The following ANKRD30BL variants were observed in gnomAD, a reference collection of about 807,000 sequenced individuals.
The protein encoded by ANKRD30BL is ankyrin repeat domain 30B like.
Under a neutral mutation model 18.4 loss-of-function variants are expected in ANKRD30BL, and 20 were observed. The observed-to-expected ratio is 1.09, with a 90% CI of 0.77 to 1.58. ANKRD30BL has a LOEUF of 1.58. Among genes scored for constraint, ANKRD30BL ranks in the 40% most tolerant of loss-of-function variants. The probability of loss-of-function intolerance (pLI) is 0.00; values close to 1 mark genes in which losing one functional copy is unlikely to be tolerated. For missense variants in ANKRD30BL, 224 were observed against 268.6 expected, an observed-to-expected ratio of 0.83 and a Z score of 1.16; for synonymous variants, 72 against 100.9, an observed-to-expected ratio of 0.71 and a Z score of 1.72.
intron 1 of ANKRD30BL, among the ~76,000 whole-genome samples, chr2:132,222,155 C>T (rs965046705): frequency 6.7e-6 from 1 of 148,188 alleles, no homozygotes; most frequent in African/African-American, 2.5e-5. Context: ...CCGGCCACCC[C>T]TACTGGGAAG....
chr2:132,200,645 G>A (rs1275850137), intron 1 of ANKRD30BL, among the ~76,000 whole-genome samples: 1 of 151,996 alleles, frequency 6.6e-6, no homozygotes, highest in East Asian at 1.9e-4. Context: ...AAATAAAAGG[G>A]GATACAAACA....
intron 1 of ANKRD30BL, among the ~76,000 whole-genome samples, chr2:132,213,964 G>C (rs1679423477): frequency 6.7e-6 from 1 of 149,408 alleles, no homozygotes; most frequent in Non-Finnish European, 1.5e-5. Context: ...TACTTTGAGG[G>C]TGATGGTCAA....
chr2:132,251,733 C>T (rs112965734), intron 1 of ANKRD30BL, among the ~76,000 whole-genome samples: 34 of 134,986 alleles, frequency 2.5e-4, no homozygotes, highest in Middle Eastern at 4.2e-3. Context: ...CAATTCCATT[C>T]ATTTTTTTCC....
chr2:132,232,379 A>G (rs1680047247), intron 1 of ANKRD30BL, among the ~76,000 whole-genome samples: 1 of 152,200 alleles, frequency 6.6e-6, no homozygotes, highest in Admixed American at 6.5e-5. Context: ...AGACGATCAA[A>G]TTACTCTGAG....
intron 1 of ANKRD30BL, among the ~76,000 whole-genome samples, chr2:132,179,771 G>A (rs1404577203): frequency 2.0e-5 from 3 of 151,872 alleles, no homozygotes; most frequent in African/African-American, 7.2e-5. Context: ...TATGAAGGTG[G>A]AAGACAATGA....
upstream of ANKRD30BL, among the ~76,000 whole-genome samples, chr2:132,164,539 C>T (rs1233012798): frequency 6.6e-6 from 1 of 151,900 alleles, no homozygotes; most frequent in Non-Finnish European, 1.5e-5. Flanking sequence ...GATCCGCCCA[C>T]CTTGGCCTCC....
intron 1 of ANKRD30BL, among the ~76,000 whole-genome samples, chr2:132,208,114 G>A (rs1309811076): frequency 6.6e-6 from 1 of 152,096 alleles, no homozygotes; most frequent in East Asian, 1.9e-4. Flanking sequence ...GATACCTGAG[G>A]CATTGGATTC....
chr2:132,177,353 CA>C (rs779218737), intron 1 of ANKRD30BL, among the ~76,000 whole-genome samples: 36 of 152,114 alleles, frequency 2.4e-4, no homozygotes, highest in Non-Finnish European at 4.6e-4. Flanking sequence ...AGAGTTTCAC[CA>C]TGTTGGACAG....
At chr2:132,175,881 G>C (rs1688359507) in intron 1 of ANKRD30BL, among the ~76,000 whole-genome samples, 1 of 151,810 alleles carries the variant, frequency 6.6e-6, no homozygotes, top group African/African-American at 2.4e-5. Flanking sequence ...ATCTCAAGGT[G>C]GGGGCAAAGA....
intron 1 of ANKRD30BL, among the ~76,000 whole-genome samples, chr2:132,240,648 G>A (rs1315120038): frequency 6.6e-6 from 1 of 151,342 alleles, no homozygotes; most frequent in African/African-American, 2.4e-5. Context: ...AATTTCATTG[G>A]AAACTGGATT....
At chr2:132,254,197 C>G (rs937066935) in intron 1 of ANKRD30BL, among the ~76,000 whole-genome samples, 1 of 151,808 alleles carries the variant, frequency 6.6e-6, no homozygotes, top group Admixed American at 6.6e-5. Context: ...TCTACCCCCT[C>G]TCTCCCTCCC....
chr2:132,219,214 G>A (rs1181565694), intron 1 of ANKRD30BL, among the ~76,000 whole-genome samples: 1 of 151,530 alleles, frequency 6.6e-6, no homozygotes, highest in Non-Finnish European at 1.5e-5. Context: ...CACAGATTTG[G>A]ACATACTGTA....
At chr2:132,204,274 G>C (rs1227731837) in intron 1 of ANKRD30BL, among the ~76,000 whole-genome samples, 1 of 151,724 alleles carries the variant, frequency 6.6e-6, no homozygotes, top group Non-Finnish European at 1.5e-5. Context: ...GGTTTGTGAA[G>C]GAAAATGTTA....
At chr2:132,148,272 C>G in intron 5 of ANKRD30BL, 44 bp from the exon 6 acceptor site, 1 of 1,470,194 alleles carries the variant, frequency 6.8e-7, no homozygotes, top group Non-Finnish European at 9.2e-7. Context: ...CGCTAAATAT[C>G]ATCCTTCTGA....
intron 1 of ANKRD30BL, among the ~76,000 whole-genome samples, chr2:132,220,924 T>C (rs1679656474): frequency 6.6e-6 from 1 of 150,716 alleles, no homozygotes; most frequent in Admixed American, 6.6e-5. Flanking sequence ...GAGGAGCTCC[T>C]CTTCCCGGCC....
intron 1 of ANKRD30BL, among the ~76,000 whole-genome samples, chr2:132,208,573 C>T (rs1679255325): frequency 6.6e-6 from 1 of 152,040 alleles, no homozygotes; most frequent in South Asian, 2.1e-4. Context: ...ACTTCTACAG[C>T]TAAATAGTGA....
intron 4 of ANKRD30BL, chr2:132,153,364 A>C: frequency 2.7e-6 from 1 of 365,182 alleles, no homozygotes; most frequent in Middle Eastern, 1.0e-3. Flanking sequence ...CATAGGGGTT[A>C]TACTTCAAAT....
At chr2:132,233,691 C>T (rs1162244743) in intron 1 of ANKRD30BL, among the ~76,000 whole-genome samples, 1 of 148,404 alleles carries the variant, frequency 6.7e-6, no homozygotes, top group Non-Finnish European at 1.5e-5. Context: ...TAAAGCAAGT[C>T]CTGAGTGACC....
intron 1 of ANKRD30BL, among the ~76,000 whole-genome samples, chr2:132,217,929 G>A (rs377534155): frequency 5.1e-3 from 749 of 146,030 alleles, no homozygotes; most frequent in Non-Finnish European, 8.1e-3. Flanking sequence ...TGAGGTCTTC[G>A]TTGGAAACGG....
Sources: allele counts gnomAD v4.1 joint callset (sites outside exome capture counted in the v4.1 genomes callset), GRCh38; gene constraint gnomAD v4.1.1; transcripts MANE v1.5; gene names NCBI Gene and HGNC (gene_info 2026-07-23, HGNC 2026-07-21).